COL23A1: variants seen among roughly 807,000 people sequenced by gnomAD.
COL23A1 encodes collagen alpha-1(XXIII) chain.
Under a neutral mutation model 99.3 loss-of-function variants are expected in COL23A1, and 97 were observed. The ratio of observed to expected loss-of-function variants is 0.98; its 90% CI spans 0.83 to 1.16. COL23A1 has a LOEUF of 1.16. Among genes scored for constraint, COL23A1 ranks in the 50% most tolerant of loss-of-function variants. COL23A1 has a pLI of 0.00. For synonymous variants in COL23A1, 320 were observed against 308.2 expected (o/e 1.04, Z -0.40); for missense variants, 762 against 757.4 (o/e 1.01, Z -0.07).
intron 2 of COL23A1, among the ~76,000 whole-genome samples, chr5:178,485,892 C>T (rs1209319327): frequency 6.6e-6 from 1 of 151,980 alleles, no homozygotes; most frequent in African/African-American, 2.4e-5. Context: ...GGAACCTCAG[C>T]TCCAGCTGTT....
chr5:178,469,111 C>G (rs1344776542), intron 2 of COL23A1, among the ~76,000 whole-genome samples: 1 of 152,218 alleles, frequency 6.6e-6, no homozygotes, highest in Non-Finnish European at 1.5e-5. Context: ...TGAACCGCAT[C>G]CTGTTGTGTG....
chr5:178,490,490 G>A (rs563818376), intron 2 of COL23A1, among the ~76,000 whole-genome samples: 37 of 152,198 alleles, frequency 2.4e-4, no homozygotes, highest in African/African-American at 6.5e-4. Flanking sequence ...TTTCAGTTGC[G>A]GAAGATGAAA....
Position 178,428,731 on chromosome 5 carries a change from GT to G in COL23A1, c.362-121813del, listed in dbSNP as rs1451122701. On this transcript the variant is annotated intron_variant, in intron 2 of 28. Transcript: ENST00000390654. The surrounding 1 kb of genome is among the most constrained non-coding windows in gnomAD (Gnocchi z 5.0). ...CAGGACATTGTCACTCTCTTGGCCTGTGATCATTCATTTCAGGGCCTCATTT... is the reference window on the plus strand; with the variant it reads ...CAGGACATTGTCACTCTCTTGGCCTGGATCATTCATTTCAGGGCCTCATTT... Among the ~76,000 whole-genome samples the G allele has an allele frequency of 2.0e-5, 3 of 152,242 alleles. No homozygotes were observed. The highest frequency in any genetic ancestry group is 2.9e-5 in the Non-Finnish European group (2 of 68,042).
rs760419109 is a variant in COL23A1, at chr5:178,257,469, G to T, written c.774+54C>A. 2.2e-4 allele frequency: 347 copies of T among 1,544,900 alleles called. 2 individuals carry two copies. Among genetic ancestry groups the T allele is most frequent in the Non-Finnish European group, 2.9e-4 (326 of 1,139,586 alleles). ...AGGGTAGGGACTTCACCAGGTAGATGGGAACCATGGGAGGTGGGGGCAGGG... is the reference window on the plus strand; with the variant it reads ...AGGGTAGGGACTTCACCAGGTAGATTGGAACCATGGGAGGTGGGGGCAGGG... On this transcript the variant is annotated intron_variant, in intron 13 of 28. Coordinates refer to ENST00000390654, the MANE Select transcript of COL23A1 (RefSeq NM_173465.4).
chr5:178,577,158 C>G (rs1047231516), intron 1 of COL23A1, among the ~76,000 whole-genome samples: 3 of 152,294 alleles, frequency 2.0e-5, no homozygotes, highest in African/African-American at 7.2e-5. Context: ...GGTCCCTGCT[C>G]TGCCGTCCGG....
At chr5:178,524,895 G>A (rs1163067400) in intron 2 of COL23A1, among the ~76,000 whole-genome samples, 1 of 152,184 alleles carries the variant, frequency 6.6e-6, no homozygotes, top group Non-Finnish European at 1.5e-5. Context: ...CTGTCTGGGA[G>A]CCCAGCACTC....
intron 2 of COL23A1, among the ~76,000 whole-genome samples, 157 bp downstream of exon 2, chr5:178,560,525 C>A (rs909284428): frequency 6.6e-6 from 1 of 152,166 alleles, no homozygotes; most frequent in Non-Finnish European, 1.5e-5. Flanking sequence ...GACCAGAGAG[C>A]CTGCCAGGGT....
At chr5:178,483,798 G>A (rs2001511) in intron 2 of COL23A1, among the ~76,000 whole-genome samples, 2,818 of 152,348 alleles carry the variant, frequency 0.018, 99 homozygotes, top group African/African-American at 0.063. Flanking sequence ...CCCGTGCAGC[G>A]GGGTTCCTCT....
intron 2 of COL23A1, among the ~76,000 whole-genome samples, chr5:178,323,662 A>G (rs528571617): frequency 2.4e-4 from 36 of 152,180 alleles, no homozygotes; most frequent in African/African-American, 8.7e-4. Flanking sequence ...CACTAGAGAG[A>G]TGCCACCGTC....
At chr5:178,433,820 G>A (rs1165425120) in intron 2 of COL23A1, among the ~76,000 whole-genome samples, 1 of 152,170 alleles carries the variant, frequency 6.6e-6, no homozygotes, top group Non-Finnish European at 1.5e-5. Flanking sequence ...AGTACCTTAG[G>A]AGATTACTGT....
intron 27 of COL23A1, among the ~76,000 whole-genome samples, chr5:178,240,030 CAGCCTGTGCTGGCTG>C (rs749107125): frequency 2.0e-5 from 3 of 152,204 alleles, no homozygotes; most frequent in Non-Finnish European, 4.4e-5. Flanking sequence ...CATCCTGCTC[CAGCCTGTGCTGGCTG>C]GAGCAGGGCA....
intron 2 of COL23A1, among the ~76,000 whole-genome samples, chr5:178,326,435 C>T (rs1162532248): frequency 6.7e-6 from 1 of 149,802 alleles, no homozygotes; most frequent in African/African-American, 2.4e-5. Flanking sequence ...AAAGACCGAA[C>T]GAGAGTGCTT....
chr5:178,288,201 A>G, intron 5 of COL23A1, 123 bp downstream of exon 5: 1 of 920,642 alleles, frequency 1.1e-6, no homozygotes, highest in Non-Finnish European at 1.8e-6. Flanking sequence ...CTCCACAGAA[A>G]GACCACGGCT....
At chr5:178,447,243 A>C (rs1053071212) in intron 2 of COL23A1, among the ~76,000 whole-genome samples, 7 of 151,950 alleles carry the variant, frequency 4.6e-5, no homozygotes, top group African/African-American at 1.7e-4. Context: ...ACAGGTGTGC[A>C]CCACCACACC....
At chr5:178,546,656 G>A (rs1761596732) in intron 2 of COL23A1, among the ~76,000 whole-genome samples, 1 of 152,226 alleles carries the variant, frequency 6.6e-6, no homozygotes, top group Non-Finnish European at 1.5e-5. Context: ...CTGGGATGAG[G>A]GAACCAAATG....
chr5:178,288,189 G>T, intron 5 of COL23A1, 135 bp downstream of exon 5: 1 of 852,252 alleles, frequency 1.2e-6, no homozygotes, highest in Non-Finnish European at 2.1e-6. Flanking sequence ...CACGCTAATC[G>T]CCTCCACAGA....
At chr5:178,546,504 C>G (rs1761586873) in intron 2 of COL23A1, among the ~76,000 whole-genome samples, 1 of 152,212 alleles carries the variant, frequency 6.6e-6, no homozygotes, top group African/African-American at 2.4e-5. Flanking sequence ...GGTGCAGACC[C>G]TGCAAAGCTG....
intron 2 of COL23A1, among the ~76,000 whole-genome samples, chr5:178,322,409 A>T (rs1198119256): frequency 6.6e-6 from 1 of 152,202 alleles, no homozygotes. Flanking sequence ...TGTTGGTGGC[A>T]TGAGCCGCTG....
intron 3 of COL23A1, among the ~76,000 whole-genome samples, chr5:178,299,214 G>A (rs1017572423): frequency 6.6e-6 from 1 of 152,188 alleles, no homozygotes; most frequent in African/African-American, 2.4e-5. Flanking sequence ...TAAAGGGTTT[G>A]TGAAAGATTG....
Sources: gnomAD v4.1 joint callset for allele counts (sites outside exome capture counted in the v4.1 genomes callset) on GRCh38, gnomAD v4.1.1 for gene constraint, Gnocchi (gnomAD v3.1) non-coding constraint, MANE v1.5 for transcripts, NCBI Gene and HGNC (gene_info 2026-07-23, HGNC 2026-07-21) for gene names.